Variants in PAK1 observed in about 807,000 individuals in gnomAD.
PAK1 encodes the protein p21 (RAC1) activated kinase 1.
In PAK1, 29 loss-of-function variants were observed where a neutral mutation model predicts 67.4. The observed-to-expected ratio is 0.43, with a 90% CI of 0.32 to 0.59. The LOEUF is 0.59. Among genes scored for constraint, PAK1 ranks in the 20% least tolerant of loss-of-function variants. PAK1 has a pLI of 0.07. For synonymous variants in PAK1, 223 were observed against 237.4 expected (o/e 0.94, Z 0.56); for missense variants, 337 against 670.7 (o/e 0.50, Z 5.50).
intron 1 of PAK1, among the ~76,000 whole-genome samples, chr11:77,422,554 C>CAA (rs11388442): frequency 0.29 from 40,365 of 136,858 alleles, 5,949 homozygotes; most frequent in South Asian, 0.46. Flanking sequence ...GACACCGTCT[C>CAA]AAAAAAAAAA....
At chr11:77,443,972 T>C (rs898032518) in intron 1 of PAK1, among the ~76,000 whole-genome samples, 1 of 152,194 alleles carries the variant, frequency 6.6e-6, no homozygotes, top group Non-Finnish European at 1.5e-5. Flanking sequence ...CTGCAAATAT[T>C]TTATTGTCAC....
At chr11:77,517,546 C>CT in the PAK1 span, among the ~76,000 whole-genome samples, 2 of 152,190 alleles carry the variant, frequency 1.3e-5, no homozygotes, top group African/African-American at 4.8e-5. Flanking sequence ...CAGTCCCCAA[C>CT]CTTTTTGGCA....
chr11:77,524,392 T>A, the PAK1 span, among the ~76,000 whole-genome samples: 1 of 152,238 alleles, frequency 6.6e-6, no homozygotes, highest in East Asian at 1.9e-4. Context: ...TCCATTCAAC[T>A]GCATTCATCC....
In PAK1 at chr11:77,415,581, T is replaced by C. The variant is rs944244470; in HGVS notation, c.-21-23040A>G. 7.3e-5 allele frequency among the ~76,000 whole-genome samples: 11 copies of C among 150,818 alleles called. No homozygotes were observed. The East Asian group carries it at 1.7e-3, about 24-fold the overall frequency. On this transcript the variant is annotated intron_variant, in intron 1 of 14. Transcript: ENST00000356341. ...TTGTGTATCTAAACATATATAAACA[T>C]AGAAAAAGTACAGTAAAAATACGCC... is the stretch of plus-strand genomic sequence containing the variant.
At chr11:77,413,063 C>T (rs548039031) in intron 1 of PAK1, among the ~76,000 whole-genome samples, 12 of 152,308 alleles carry the variant, frequency 7.9e-5, no homozygotes, top group Middle Eastern at 3.4e-3. Context: ...CTCACTCTTC[C>T]CCCTCCCAAA....
intron 1 of PAK1, among the ~76,000 whole-genome samples, chr11:77,450,388 A>G (rs1455758081): frequency 6.6e-6 from 1 of 152,162 alleles, no homozygotes; most frequent in Non-Finnish European, 1.5e-5. Context: ...GTCCCACACA[A>G]TGACTAGGGA....
intron 2 of PAK1, among the ~76,000 whole-genome samples, chr11:77,387,931 CA>C (rs145331574): frequency 1.5e-3 from 226 of 152,302 alleles, no homozygotes; most frequent in African/African-American, 5.3e-3. Context: ...ACTGGTTGAT[CA>C]AAGGCTCCAA....
chr11:77,400,247 G>A (rs904658898), intron 1 of PAK1, among the ~76,000 whole-genome samples: 2 of 152,114 alleles, frequency 1.3e-5, no homozygotes, highest in Non-Finnish European at 2.9e-5. Context: ...GTACAGTGTG[G>A]CAGAATGCAA....
upstream of PAK1, chr11:77,474,316 AAACCC>A: frequency 6.6e-6 from 1 of 152,042 alleles, no homozygotes; most frequent in South Asian, 2.1e-4. Context: ...GAGCGAGGCC[AAACCC>A]TGGCCCGCAT....
At chr11:77,342,227 AT>A (rs35167939) in intron 10 of PAK1, among the ~76,000 whole-genome samples, 14,248 of 147,350 alleles carry the variant, frequency 0.097, 1,488 homozygotes, top group African/African-American at 0.25. Flanking sequence ...TTACAGAGGT[AT>A]TTTTTTTTTT....
chr11:77,484,075 A>C, the PAK1 span, among the ~76,000 whole-genome samples: 1 of 152,148 alleles, frequency 6.6e-6, no homozygotes, highest in African/African-American at 2.4e-5. Flanking sequence ...CTTTATTAGA[A>C]AGGCAATGTA....
chr11:77,325,458 A>T, intron 14 of PAK1: 1 of 1,419,204 alleles, frequency 7.0e-7, no homozygotes, highest in South Asian at 1.3e-5. Flanking sequence ...CTAAATATAT[A>T]AAGTGTTTAG....
chr11:77,365,812 G>A (rs965761238), intron 5 of PAK1, among the ~76,000 whole-genome samples: 3 of 151,092 alleles, frequency 2.0e-5, no homozygotes, highest in Admixed American at 6.6e-5. Context: ...CAGCCTGGGC[G>A]ACAGAGCGAG....
At chr11:77,413,529 C>CA (rs1249503510) in intron 1 of PAK1, among the ~76,000 whole-genome samples, 2 of 151,904 alleles carry the variant, frequency 1.3e-5, no homozygotes, top group East Asian at 1.9e-4. Context: ...ACTAAAAACA[C>CA]AAAAAATTAG....
intron 1 of PAK1, among the ~76,000 whole-genome samples, chr11:77,434,903 G>A (rs1956043295): frequency 6.6e-6 from 1 of 151,910 alleles, no homozygotes; most frequent in African/African-American, 2.4e-5. Context: ...ACAGACATAA[G>A]CCACCAGGCC....
intron 1 of PAK1, chr11:77,412,065 G>A (rs1417808542): frequency 4.6e-5 from 7 of 152,280 alleles, no homozygotes; most frequent in Non-Finnish European, 1.0e-4. Context: ...CTGCAAAGCA[G>A]AGCTGAGGGC....
chr11:77,482,696 C>A, the PAK1 span, among the ~76,000 whole-genome samples: 6 of 151,518 alleles, frequency 4.0e-5, no homozygotes, highest in African/African-American at 1.5e-4. Context: ...TGAGCTCAAG[C>A]AATCCTCCCA....
chr11:77,359,905 T>C (rs978983095), intron 5 of PAK1, among the ~76,000 whole-genome samples: 1 of 152,188 alleles, frequency 6.6e-6, no homozygotes, highest in African/African-American at 2.4e-5. Context: ...GGGGATCTTT[T>C]AATATATACT....
intron 1 of PAK1, among the ~76,000 whole-genome samples, chr11:77,449,082 A>C (rs565514645): frequency 6.6e-6 from 1 of 152,348 alleles, no homozygotes; most frequent in East Asian, 1.9e-4. Context: ...TTAACCCAGA[A>C]AGCTCGAAAG....
Sources: allele counts gnomAD v4.1 joint callset (sites outside exome capture counted in the v4.1 genomes callset), GRCh38; gene constraint gnomAD v4.1.1; transcripts MANE v1.5; gene names NCBI Gene and HGNC (gene_info 2026-07-23, HGNC 2026-07-21).